Variants in PKHD1 observed in about 807,000 individuals in gnomAD.
The protein encoded by PKHD1 is fibrocystin.
In PKHD1, 291 loss-of-function variants were observed where a neutral mutation model predicts 412.0. The observed-to-expected ratio is 0.71, with a 90% CI of 0.64 to 0.78. The LOEUF is 0.78. Ranked by LOEUF, PKHD1 falls within the 30% of genes least tolerant of loss-of-function variation. The pLI is 0.00. For synonymous variants in PKHD1, 1,777 were observed against 1,821.5 expected, an observed-to-expected ratio of 0.98 and a Z score of 0.62; for missense variants, 4,825 against 4,950.7, an observed-to-expected ratio of 0.97 and a Z score of 0.76.
intron 54 of PKHD1, among the ~76,000 whole-genome samples, chr6:51,774,030 G>A (rs1266494722): frequency 6.6e-6 from 1 of 151,662 alleles, no homozygotes; most frequent in Non-Finnish European, 1.5e-5. Flanking sequence ...TTCACTATAG[G>A]CTAAGTAAGC....
At chr6:51,939,147 T>TG (rs975988754) in intron 36 of PKHD1, among the ~76,000 whole-genome samples, 4 of 151,304 alleles carry the variant, frequency 2.6e-5, no homozygotes, top group Non-Finnish European at 4.4e-5. Flanking sequence ...ACTGCTTTTC[T>TG]GGGGGGCAAG....
intron 52 of PKHD1, among the ~76,000 whole-genome samples, chr6:51,792,131 T>C (rs1793860404): frequency 6.6e-6 from 1 of 152,210 alleles, no homozygotes; most frequent in Admixed American, 6.5e-5. Context: ...AGTCTTCATA[T>C]AACTTCAGAA....
intron 52 of PKHD1, among the ~76,000 whole-genome samples, chr6:51,829,640 T>G (rs1241797157): frequency 3.9e-5 from 6 of 152,150 alleles, no homozygotes; most frequent in Admixed American, 2.0e-4. Flanking sequence ...ACGTTTGTAC[T>G]GGTCAGCCCA....
At chr6:51,641,748 T>C (rs138641913) in intron 63 of PKHD1, among the ~76,000 whole-genome samples, 2 of 152,264 alleles carry the variant, frequency 1.3e-5, no homozygotes, top group African/African-American at 4.8e-5. Context: ...TGCAGGGACA[T>C]GGATGAAGCT....
intron 35 of PKHD1, among the ~76,000 whole-genome samples, chr6:51,969,349 T>A (rs920230917): frequency 2.6e-5 from 4 of 152,216 alleles, no homozygotes; most frequent in Admixed American, 2.0e-4. Context: ...ACACTTTGAT[T>A]TCAGCCTTGA....
chr6:51,645,080 T>A (rs1769918006), intron 63 of PKHD1, among the ~76,000 whole-genome samples: 2 of 152,262 alleles, frequency 1.3e-5, no homozygotes, highest in South Asian at 4.1e-4. Flanking sequence ...CATATCAATT[T>A]ATAATTTTCA....
chr6:51,638,450 T>A (rs1049955575), intron 64 of PKHD1, among the ~76,000 whole-genome samples: 1 of 152,140 alleles, frequency 6.6e-6, no homozygotes, highest in Non-Finnish European at 1.5e-5. Flanking sequence ...ATGGGTATTG[T>A]CCCCATTTGG....
In PKHD1 at chr6:52,017,411, T is replaced by G; in HGVS notation, c.5599A>C (p.Ser1867Arg). 6.2e-7 allele frequency: 1 copy of G among 1,604,822 alleles called. No individual in the cohort carries two copies. The highest frequency in any genetic ancestry group is 8.5e-7 in the Non-Finnish European group (1 of 1,171,484). ...MFPSFSGLFI[S>R]PKLERDEVLI... Reference sequence around the variant, plus strand: ...CAGGGAGGGAGAAGGTAAAGTTACCTGATAAAGAGGCCCGAGAATGATGGA... The same window carrying G: ...CAGGGAGGGAGAAGGTAAAGTTACCGGATAAAGAGGCCCGAGAATGATGGA... The change falls in exon 34 of 67, where the codon AGC becomes CGC. Residue 1867 changes from serine to arginine, a missense_variant and splice_region_variant. Physicochemically the swap from Ser to Arg is moderately radical, Grantham distance 110. Coordinates refer to ENST00000371117, the MANE Select transcript of PKHD1 (RefSeq NM_138694.4).
At chr6:51,635,621 T>G (rs568079) in intron 64 of PKHD1, among the ~76,000 whole-genome samples, 6,490 of 151,034 alleles carry the variant, frequency 0.043, 234 homozygotes, top group African/African-American at 0.093. Flanking sequence ...AGCCAGGGAG[T>G]GATAAGTGCA....
At chr6:51,836,517 A>G (rs1449525268) in intron 50 of PKHD1, 48 bp from the exon 51 acceptor site, 4 of 1,305,484 alleles carry the variant, frequency 3.1e-6, no homozygotes, top group Non-Finnish European at 4.5e-6. Context: ...GATCATCTTA[A>G]TATTAAAGAC....
At chr6:51,914,336 C>A (rs1783448223) in intron 37 of PKHD1, among the ~76,000 whole-genome samples, 1 of 152,016 alleles carries the variant, frequency 6.6e-6, no homozygotes, top group Admixed American at 6.6e-5. Context: ...ATTGACAGAG[C>A]CTCTAGAAAG....
chr6:52,045,168 T>A (rs1210186804), intron 24 of PKHD1, 80 bp from the exon 25 acceptor site: 3 of 1,379,864 alleles, frequency 2.2e-6, no homozygotes, highest in African/African-American at 1.4e-5. Context: ...AAGAGTTTTT[T>A]CACATTGTGT....
At chr6:51,789,267 A>G (rs1793367439) in intron 53 of PKHD1, among the ~76,000 whole-genome samples, 1 of 152,212 alleles carries the variant, frequency 6.6e-6, no homozygotes, top group African/African-American at 2.4e-5. Flanking sequence ...CATTAATTTC[A>G]TTTTTAAAAG....
chr6:51,739,377 T>C (rs937319083), intron 60 of PKHD1, among the ~76,000 whole-genome samples: 1 of 152,006 alleles, frequency 6.6e-6, no homozygotes, highest in African/African-American at 2.4e-5. Context: ...ATCACAGGCA[T>C]GTGCCATCAT....
chr6:51,668,642 T>C (rs559728708), intron 60 of PKHD1, among the ~76,000 whole-genome samples: 70 of 152,338 alleles, frequency 4.6e-4, no homozygotes, highest in African/African-American at 1.7e-3. Flanking sequence ...AAGGGAATGC[T>C]TCCAATTTTT....
intron 34 of PKHD1, among the ~76,000 whole-genome samples, chr6:52,011,305 T>C (rs1162378701): frequency 6.6e-6 from 1 of 152,214 alleles, no homozygotes; most frequent in Non-Finnish European, 1.5e-5. Flanking sequence ...GTAGGCATTT[T>C]TGCAACTAAC....
At chr6:51,925,073 G>C (rs762511604) in intron 37 of PKHD1, among the ~76,000 whole-genome samples, 2 of 152,182 alleles carry the variant, frequency 1.3e-5, no homozygotes, top group Non-Finnish European at 2.9e-5. Context: ...TTTGGACCAC[G>C]CAGTCCACTT....
At chr6:51,758,668 AAG>A (rs2151044691) in intron 55 of PKHD1, among the ~76,000 whole-genome samples, 1 of 151,994 alleles carries the variant, frequency 6.6e-6, no homozygotes, top group South Asian at 2.1e-4. Context: ...ACCATATGAG[AAG>A]AGAGAGGAAA....
chr6:51,918,968 T>G (rs1236672973), intron 37 of PKHD1, among the ~76,000 whole-genome samples: 1 of 152,180 alleles, frequency 6.6e-6, no homozygotes, highest in Non-Finnish European at 1.5e-5. Flanking sequence ...TCGCCCACTT[T>G]TTGATGGGGT....
Sources: allele counts gnomAD v4.1 joint callset (sites outside exome capture counted in the v4.1 genomes callset), GRCh38; gene constraint gnomAD v4.1.1; transcripts MANE v1.5; gene names NCBI Gene and HGNC (gene_info 2026-07-23, HGNC 2026-07-21).